Variants in F13A1 observed in about 807,000 individuals in gnomAD.
F13A1 encodes the protein coagulation factor XIII A chain.
Under a neutral mutation model 80.1 loss-of-function variants are expected in F13A1, and 47 were observed. The observed-to-expected ratio is 0.59, with a 90% CI of 0.46 to 0.75. The LOEUF is 0.75. Ranked by LOEUF, F13A1 falls within the 30% of genes least tolerant of loss-of-function variation. The pLI is 0.00. For missense variants in F13A1, 817 were observed against 930.4 expected, an observed-to-expected ratio of 0.88 and a Z score of 1.59; for synonymous variants, 349 against 344.9, an observed-to-expected ratio of 1.01 and a Z score of -0.13.
intron 13 of F13A1, among the ~76,000 whole-genome samples, chr6:6,163,370 T>G (rs1341629852): frequency 6.6e-6 from 1 of 152,218 alleles, no homozygotes; most frequent in East Asian, 1.9e-4. Flanking sequence ...GGGGTACATG[T>G]GCAGGTTTGT....
intron 6 of F13A1, among the ~76,000 whole-genome samples, chr6:6,242,994 G>C (rs1004319465): frequency 6.6e-6 from 1 of 152,146 alleles, no homozygotes; most frequent in Non-Finnish European, 1.5e-5. Flanking sequence ...TGTAAGCTTT[G>C]TGAAGGCAGA....
Position 6,243,752 on chromosome 6 carries a change from T to TC in F13A1, c.798+4559dup, listed in dbSNP as rs1445819126. 6.6e-6 allele frequency among the ~76,000 whole-genome samples: 1 copy of TC among 152,166 alleles called. No homozygotes were observed. Among genetic ancestry groups the TC allele is most frequent in the African/African-American group, 2.4e-5 (1 of 41,440 alleles). ...CACCCAGAAGACTCTTGGAGAGTCCTCCCCATTGCACACGCTGGTTCAGCA... is the reference window on the plus strand; with the variant it reads ...CACCCAGAAGACTCTTGGAGAGTCCTCCCCCATTGCACACGCTGGTTCAGCA... On this transcript the variant is annotated intron_variant, in intron 6 of 14. Coordinates refer to ENST00000264870, the MANE Select transcript of F13A1 (RefSeq NM_000129.4). This position sits in a 1 kb window ranked among gnomAD's most constrained non-coding sequence, Gnocchi z 4.2.
intron 10 of F13A1, among the ~76,000 whole-genome samples, chr6:6,189,892 G>T (rs573302750): frequency 6.6e-6 from 1 of 152,166 alleles, no homozygotes; most frequent in South Asian, 2.1e-4. Flanking sequence ...TTTTCACATA[G>T]TCCCATATTT....
intron 2 of F13A1, among the ~76,000 whole-genome samples, chr6:6,306,689 A>T (rs1758516938): frequency 6.6e-6 from 1 of 152,250 alleles, no homozygotes; most frequent in Non-Finnish European, 1.5e-5. Context: ...AAGGGTCGGC[A>T]GGGGTGCCCT....
intron 10 of F13A1, among the ~76,000 whole-genome samples, chr6:6,186,350 T>C (rs563697025): frequency 1.8e-4 from 28 of 152,322 alleles, no homozygotes; most frequent in African/African-American, 5.3e-4. Flanking sequence ...GTTTTTATGG[T>C]ATAAGGTCTA....
At chr6:6,173,233 T>C (rs576359357) in intron 12 of F13A1, among the ~76,000 whole-genome samples, 1 of 152,278 alleles carries the variant, frequency 6.6e-6, no homozygotes, top group African/African-American at 2.4e-5. Flanking sequence ...AGGCAAGCTG[T>C]AGCACGTGGA....
intron 4 of F13A1, 148 bp downstream of exon 4, chr6:6,266,410 T>A (rs980390510): frequency 1.3e-5 from 16 of 1,221,130 alleles, no homozygotes; most frequent in Admixed American, 1.9e-5. Context: ...TTTTAATTTT[T>A]ATTTTTTAGA....
rs183458089 is a variant in F13A1, at chr6:6,177,880, C to T, written c.1460-3013G>A. Among the ~76,000 whole-genome samples the T allele has an allele frequency of 8.5e-5, 13 of 152,234 alleles. No homozygotes were observed. In the East Asian group the frequency reaches 1.7e-3, roughly 20 times the overall value. ...TGGAGCGAGGGCAAGACCAGGGATG[C>T]AGGTGGGGGGCTTGGCTTGTTGGAG... On this transcript the variant is annotated intron_variant, in intron 11 of 14. Coordinates refer to ENST00000264870, the MANE Select transcript of F13A1 (RefSeq NM_000129.4).
At chr6:6,319,876 T>C (rs967303529) in intron 1 of F13A1, among the ~76,000 whole-genome samples, 5 of 152,136 alleles carry the variant, frequency 3.3e-5, no homozygotes, top group Non-Finnish European at 7.3e-5. Flanking sequence ...ATTGGTGAGC[T>C]GACGGGGGAA....
chr6:6,220,547 G>A (rs1757177302), intron 8 of F13A1, among the ~76,000 whole-genome samples: 1 of 149,968 alleles, frequency 6.7e-6, no homozygotes, highest in East Asian at 1.9e-4. Flanking sequence ...AAGGCTGTGT[G>A]TGTGTGTCTG....
At chr6:6,297,215 G>C (rs992998945) in intron 3 of F13A1, among the ~76,000 whole-genome samples, 1 of 151,590 alleles carries the variant, frequency 6.6e-6, no homozygotes. Flanking sequence ...TCTCTTTTTT[G>C]GTTGTGTCTC....
At chr6:6,317,147 C>T (rs975283649) in intron 2 of F13A1, among the ~76,000 whole-genome samples, 1 of 152,178 alleles carries the variant, frequency 6.6e-6, no homozygotes, top group Admixed American at 6.5e-5. Flanking sequence ...ACAAAGGCAA[C>T]CTGCTTAATA....
At chr6:6,238,124 T>C (rs1194783645) in intron 6 of F13A1, among the ~76,000 whole-genome samples, 2 of 152,172 alleles carry the variant, frequency 1.3e-5, no homozygotes, top group Non-Finnish European at 2.9e-5. Flanking sequence ...TATAAACTAA[T>C]GAAACAGAAA....
intron 10 of F13A1, among the ~76,000 whole-genome samples, chr6:6,185,131 T>C (rs6923459): frequency 0.16 from 22,217 of 139,538 alleles, 2,053 homozygotes; most frequent in South Asian, 0.31. Flanking sequence ...ATCTCTCTCT[T>C]TTTTTTTTTT....
chr6:6,250,973 G>A lies in F13A1; in HGVS notation c.572-44C>T. ...ATAGTGACTATTACCAAACCAGACT[G>A]TTTCCAAACACTTGCAAGTTTATGC... On this transcript the variant is annotated intron_variant, in intron 4 of 14. Transcript: ENST00000264870. The surrounding 1 kb of genome is among the most constrained non-coding windows in gnomAD (Gnocchi z 4.2). 1.5e-6 allele frequency: 2 copies of A among 1,358,808 alleles called. No individual in the cohort carries two copies. Among genetic ancestry groups the A allele is most frequent in the Middle Eastern group, 1.8e-4 (1 of 5,576 alleles). 84.2% of individuals were successfully genotyped at this position (1,358,808 alleles called of 1,614,324 possible). A position where few individuals can be genotyped will look rare whatever the true frequency, so the allele number is the denominator to read the frequency against.
chr6:6,182,074 G>A lies in F13A1; in HGVS notation c.1373C>T (p.Ala458Val), dbSNP rs1350563778. Reference sequence around the variant, plus strand: ...CACAATTAATTTCCCAATGTGGGTGGCATCCACATTTTCCACCACATGAGT... The same window carrying A: ...CACAATTAATTTCCCAATGTGGGTGACATCCACATTTTCCACCACATGAGT... ...DGTHVVENVD[A>V]THIGKLIVTK... Residue 458 changes from alanine to valine, a missense_variant, in exon 11 of 15, where the codon GCC (alanine) becomes GTC (valine). Physicochemically the swap from Ala to Val is moderately conservative, Grantham distance 64. Transcript: ENST00000264870. 1.9e-6 allele frequency: 3 copies of A among 1,613,904 alleles called. No individual in the cohort carries two copies. Among genetic ancestry groups the A allele is most frequent in the Non-Finnish European group, 2.5e-6 (3 of 1,179,810 alleles).
chr6:6,302,831 T>C (rs1758454914), intron 3 of F13A1, among the ~76,000 whole-genome samples: 1 of 152,250 alleles, frequency 6.6e-6, no homozygotes. Flanking sequence ...GAAATGTTGC[T>C]ATGTGGCACA....
rs190413580 is a variant in F13A1 at position 6,228,472 on chromosome 6, G to T, written c.799-3612C>A. Among the ~76,000 whole-genome samples, 13 of 152,090 alleles carry T rather than the reference G, an allele frequency of 8.5e-5. No individual in the cohort carries two copies. The East Asian group carries it at 2.3e-3, about 27-fold the overall frequency. On this transcript the variant is annotated intron_variant, in intron 6 of 14. Transcript: ENST00000264870. ...TCAAAATGCTGATCTTTTTGGCCAG[G>T]CATGTAATCCCAGCCCTTTGAGAGG...
At chr6:6,259,158 C>T (rs564300743) in intron 4 of F13A1, among the ~76,000 whole-genome samples, 8 of 152,098 alleles carry the variant, frequency 5.3e-5, no homozygotes, top group East Asian at 1.9e-4. Context: ...GCATGGGATG[C>T]GACATACTAT....
Sources: allele counts gnomAD v4.1 joint callset (sites outside exome capture counted in the v4.1 genomes callset), GRCh38; gene constraint gnomAD v4.1.1; non-coding constraint Gnocchi (gnomAD v3.1); transcripts MANE v1.5; gene names NCBI Gene and HGNC (gene_info 2026-07-23, HGNC 2026-07-21).